Variants in ALDH16A1 observed in about 807,000 individuals in gnomAD.
ALDH16A1 encodes aldehyde dehydrogenase family 16 member A1.
A neutral mutation model predicts 96.1 loss-of-function variants in ALDH16A1; 88 were observed. That is an observed-to-expected ratio of 0.92 (90% confidence interval 0.77 to 1.09). ALDH16A1 has a LOEUF of 1.09. Ranked by LOEUF, ALDH16A1 falls within the 50% of genes least tolerant of loss-of-function variation. The pLI is 0.00. For synonymous variants in ALDH16A1, 522 were observed against 496.4 expected (o/e 1.05, Z -0.69); for missense variants, 1,250 against 1,112.6 (o/e 1.12, Z -1.76).
rs201042625 is a variant in ALDH16A1, at chr19:49,453,288, A to G, written c.-44A>G. On this transcript the variant is annotated 5_prime_UTR_variant, in exon 1 of 17. Coordinates refer to ENST00000293350, the MANE Select transcript of ALDH16A1 (RefSeq NM_153329.4). ...TTCGGACCTCAAGGTTCCCCTTAAC[A>G]CAGAGCGCCCCGCAGTCTTCGCGGA... 1.4e-5 allele frequency: 21 copies of G among 1,511,794 alleles called. No individual in the cohort carries two copies. In the East Asian group the frequency reaches 4.4e-4, roughly 32 times the overall value. The allele number at this position is 1,511,794 out of a possible 1,614,324, so 93.6% of individuals were successfully genotyped here.
Position 49,465,909 on chromosome 19 carries a change from A to AG in ALDH16A1, c.1736+8dup. The AG allele has an allele frequency of 6.2e-7, 1 of 1,613,188 alleles. No individual in the cohort carries two copies. The highest frequency in any genetic ancestry group is 1.1e-5 in the South Asian group (1 of 90,962). On this transcript the variant is annotated splice_donor_region_variant and intron_variant, in intron 13 of 16. Coordinates refer to ENST00000293350, the MANE Select transcript of ALDH16A1 (RefSeq NM_153329.4). ...CCGCTCACCAGGCTTTCCCTGGGTA[A>AG]GGGGTCACACGGGAAAGCCCAAGGG... is the stretch of plus-strand genomic sequence containing the variant.
At position 49,459,095 on chromosome 19, in the gene ALDH16A1, G is replaced by T; in HGVS notation, c.320+9G>T. The T allele has an allele frequency of 9.3e-6, 15 of 1,609,990 alleles. No homozygotes were observed. Among genetic ancestry groups the T allele is most frequent in the Non-Finnish European group, 1.3e-5 (15 of 1,177,858 alleles). On this transcript the variant is annotated intron_variant, in intron 3 of 16. Coordinates refer to ENST00000293350, the MANE Select transcript of ALDH16A1 (RefSeq NM_153329.4). The surrounding 1 kb of genome is among the most constrained non-coding windows in gnomAD (Gnocchi z 4.1). ...GCCCAGCACCTGACCAGGTGATGCAGCTGAGGTGTGGACCCCGGGAGGCGG... is the reference window on the plus strand; with the variant it reads ...GCCCAGCACCTGACCAGGTGATGCATCTGAGGTGTGGACCCCGGGAGGCGG...
At chr19:49,469,107 A>G (rs984444875) in intron 16 of ALDH16A1, 121 bp downstream of exon 16, 1 of 1,437,088 alleles carries the variant, frequency 7.0e-7, no homozygotes, top group African/African-American at 1.4e-5. Context: ...ACTCCTTGAC[A>G]AGAAGGTTTT....
chr19:49,464,228 C>G lies in ALDH16A1; in HGVS notation c.1296C>G (p.Ser432Arg). The change falls in exon 10 of 17, where the codon AGC becomes AGG. Residue 432 changes from serine to arginine, a missense_variant. Ser to Arg is a moderately radical substitution (Grantham distance 110). Transcript: ENST00000293350. ...TPRGGSASVW[S>R]ERLGQALELG... ...GCGGGGGCAGCGCCAGTGTGTGGAG[C>G]GAGAGGCTGGGGCAGGCGCTGGAGC... 3 of 1,604,386 alleles carry G rather than the reference C, an allele frequency of 1.9e-6. No homozygotes were observed. The highest frequency in any genetic ancestry group is 2.5e-6 in the Non-Finnish European group (3 of 1,179,340).
chr19:49,454,378 C>T (rs1482069662), intron 1 of ALDH16A1, among the ~76,000 whole-genome samples: 1 of 151,908 alleles, frequency 6.6e-6, no homozygotes, highest in Non-Finnish European at 1.5e-5. Context: ...CACGGGGCTC[C>T]TATGATCTCT....
Position 49,470,815 on chromosome 19 carries a change from G to A in ALDH16A1, c.*348G>A, listed in dbSNP as rs369329572. ...AGACATGCACCACCACACCTGGCTCGAGGCCATTTTAGTTCTGAGGTTGAG... is the reference window on the plus strand; with the variant it reads ...AGACATGCACCACCACACCTGGCTCAAGGCCATTTTAGTTCTGAGGTTGAG... On this transcript the variant is annotated 3_prime_UTR_variant, in exon 17 of 17. Transcript: ENST00000293350. The A allele has an allele frequency of 6.4e-5, 12 of 188,396 alleles. No individual in the cohort carries two copies. Among genetic ancestry groups the A allele is most frequent in the South Asian group, 1.6e-4 (1 of 6,356 alleles). The allele number at this position is 188,396 out of a possible 1,614,324, so 11.7% of individuals were successfully genotyped here.
intron 8 of ALDH16A1, among the ~76,000 whole-genome samples, 171 bp downstream of exon 8, chr19:49,462,926 G>A (rs1218569165): frequency 7.5e-6 from 1 of 133,552 alleles, no homozygotes; most frequent in African/African-American, 3.1e-5. Context: ...CTGGACTCCT[G>A]GGTCTGAGGG....
At position 49,470,502 on chromosome 19, in the gene ALDH16A1, C is replaced by T; in HGVS notation, c.*35C>T. The T allele has an allele frequency of 6.7e-7, 1 of 1,489,226 alleles. No individual in the cohort carries two copies. Among genetic ancestry groups the T allele is most frequent in the Middle Eastern group, 2.4e-4 (1 of 4,136 alleles). The allele number at this position is 1,489,226 out of a possible 1,614,324, so 92.3% of individuals were successfully genotyped here. On this transcript the variant is annotated 3_prime_UTR_variant, in exon 17 of 17. Transcript: ENST00000293350. ...GCCACCTACTGCATTTTGGACACCTCACACCAAGGGGAGATGCACCCCACA... is the reference window on the plus strand; with the variant it reads ...GCCACCTACTGCATTTTGGACACCTTACACCAAGGGGAGATGCACCCCACA...
chr19:49,461,056 T>TG (rs1285467786), intron 5 of ALDH16A1, among the ~76,000 whole-genome samples, 157 bp downstream of exon 5: 1 of 148,894 alleles, frequency 6.7e-6, no homozygotes, highest in Non-Finnish European at 1.5e-5. Context: ...CTCCTAGGTC[T>TG]GAGGGAGGAG....
intron 11 of ALDH16A1, 42 bp downstream of exon 11, chr19:49,464,564 C>T: frequency 6.2e-7 from 1 of 1,613,438 alleles, no homozygotes; most frequent in Non-Finnish European, 8.5e-7. Context: ...CCCGCCGCCC[C>T]ATGCCCTTGA....
At chr19:49,462,428 T>C in intron 7 of ALDH16A1, 142 bp from the exon 8 acceptor site, 1 of 1,106,748 alleles carries the variant, frequency 9.0e-7, no homozygotes, top group Non-Finnish European at 1.3e-6. Context: ...AGCCACCGCA[T>C]CCGGCCTCTC....
At chr19:49,462,101 G>T in intron 7 of ALDH16A1, 65 bp downstream of exon 7, 1 of 1,454,094 alleles carries the variant, frequency 6.9e-7, no homozygotes, top group Non-Finnish European at 9.0e-7. Flanking sequence ...TCCAGTCTTC[G>T]GGGTCCCGAG....
chr19:49,464,862 A>C, intron 12 of ALDH16A1, 100 bp downstream of exon 12: 5 of 1,556,894 alleles, frequency 3.2e-6, no homozygotes, highest in Non-Finnish European at 4.4e-6. Context: ...GGTCCATCCA[A>C]ACCATCTCTT....
chr19:49,457,670 C>T (rs946337660), intron 1 of ALDH16A1, among the ~76,000 whole-genome samples: 2 of 151,522 alleles, frequency 1.3e-5, no homozygotes, highest in Admixed American at 6.6e-5. Context: ...AGTGCAGTGG[C>T]GTGATCTTGG....
At chr19:49,455,364 C>G (rs950088126) in intron 1 of ALDH16A1, among the ~76,000 whole-genome samples, 6 of 147,554 alleles carry the variant, frequency 4.1e-5, no homozygotes, top group Non-Finnish European at 8.9e-5. Flanking sequence ...TGCAGTGAGC[C>G]GAGACCACGC....
chr19:49,469,115 T>G (rs1568658129), intron 16 of ALDH16A1, 129 bp downstream of exon 16: 2 of 1,376,024 alleles, frequency 1.5e-6, no homozygotes, highest in Non-Finnish European at 2.0e-6. Flanking sequence ...ACAAGAAGGT[T>G]TTGAGGCCCC....
Position 49,468,679 on chromosome 19 carries a change from C to G in ALDH16A1, c.2124+113C>G. 1.1e-5 allele frequency: 16 copies of G among 1,421,842 alleles called. No homozygotes were observed. The highest frequency in any genetic ancestry group is 1.5e-5 in the Non-Finnish European group (16 of 1,050,508). The allele number at this position is 1,421,842 out of a possible 1,614,324, so 88.1% of individuals were successfully genotyped here. A position where few individuals can be genotyped will look rare whatever the true frequency, so the allele number is the denominator to read the frequency against. ...TACCCCACCCTCCGTGGTACCCATG[C>G]TGCCCCCAGCCCCAGCACCCAAACC... On this transcript the variant is annotated intron_variant, in intron 15 of 16. Transcript: ENST00000293350. This position sits in a 1 kb window ranked among gnomAD's most constrained non-coding sequence, Gnocchi z 4.4.
chr19:49,460,904 A>G lies in ALDH16A1; in HGVS notation c.577+5A>G, dbSNP rs2079136295. On this transcript the variant is annotated splice_donor_5th_base_variant and intron_variant, in intron 5 of 16. Transcript: ENST00000293350. Reference sequence around the variant, plus strand: ...TTTGCCCTGCCCTGGCTGTGGGTAAATGATGGCCTGGGGGGTCCTGACTCT... The same window carrying G: ...TTTGCCCTGCCCTGGCTGTGGGTAAGTGATGGCCTGGGGGGTCCTGACTCT... 1 of 1,612,834 alleles carries G rather than the reference A, an allele frequency of 6.2e-7. No individual in the cohort carries two copies. The highest frequency in any genetic ancestry group is 8.5e-7 in the Non-Finnish European group (1 of 1,179,612).
chr19:49,458,820 G>C, intron 2 of ALDH16A1, 140 bp from the exon 3 acceptor site: 1 of 1,278,776 alleles, frequency 7.8e-7, no homozygotes, highest in South Asian at 1.4e-5. Flanking sequence ...TTGCCCTGGA[G>C]GTGATCATAG....
Sources: gnomAD v4.1 joint callset for allele counts (sites outside exome capture counted in the v4.1 genomes callset) on GRCh38, gnomAD v4.1.1 for gene constraint, Gnocchi (gnomAD v3.1) non-coding constraint, MANE v1.5 for transcripts, NCBI Gene and HGNC (gene_info 2026-07-23, HGNC 2026-07-21) for gene names.